The following TEX29 variants were observed in gnomAD, a reference collection of about 807,000 sequenced individuals.
The protein encoded by TEX29 is testis-expressed protein 29.
TEX29 carries 26 observed loss-of-function variants against 18.2 expected under a neutral mutation model. The ratio of observed to expected loss-of-function variants is 1.43; its 90% CI spans 1.04 to 1.98. The LOEUF is 1.98. TEX29 is among the 30% of genes most tolerant of loss of function. TEX29 has a pLI of 0.00. For missense variants in TEX29, 177 were observed against 194.2 expected (o/e 0.91, Z 0.53); for synonymous variants, 83 against 78.5 (o/e 1.06, Z -0.31).
intron 3 of TEX29, among the ~76,000 whole-genome samples, chr13:111,329,771 T>C (rs2093679915): frequency 6.6e-6 from 1 of 152,128 alleles, no homozygotes; most frequent in Non-Finnish European, 1.5e-5. Flanking sequence ...CTACAAGGTC[T>C]GAGGGTCTCG....
chr13:111,324,501 C>T (rs542882747), intron 2 of TEX29, among the ~76,000 whole-genome samples: 3 of 152,312 alleles, frequency 2.0e-5, no homozygotes, highest in Admixed American at 6.5e-5. Context: ...CATCGGGAAA[C>T]GAGGTGGCAG....
chr13:111,329,492 TG>T (rs1344972573), intron 3 of TEX29, among the ~76,000 whole-genome samples: 5 of 151,154 alleles, frequency 3.3e-5, no homozygotes, highest in Non-Finnish European at 7.4e-5. Context: ...CTTCGTTCCC[TG>T]TATCTAGTAG....
Position 111,342,822 on chromosome 13 carries a change from C to A in TEX29, c.306C>A (p.Ser102Arg), listed in dbSNP as rs45474991. 1 of 1,614,046 alleles carries A rather than the reference C, an allele frequency of 6.2e-7. No homozygotes were observed. Among genetic ancestry groups the A allele is most frequent in the South Asian group, 1.1e-5 (1 of 91,072 alleles). Residue 102 changes from serine (S) to arginine (R), a missense_variant, in exon 5 of 6, where the codon AGC becomes AGA. Transcript: ENST00000283547. ...ATGTCGCGCTGCCACAGAAGTCCAG[C>A]GAAAAGGCGGAGTTGGCCTCATCCA... ...PVDVALPQKS[S>R]EKAELASSSS...
chr13:111,337,080 C>T (rs759245893), intron 3 of TEX29, among the ~76,000 whole-genome samples: 4 of 152,162 alleles, frequency 2.6e-5, no homozygotes, highest in Non-Finnish European at 4.4e-5. Flanking sequence ...GCCTCATGAA[C>T]GCTCTTAATT....
Position 111,344,116 on chromosome 13 carries a change from A to C in TEX29, c.449A>C (p.Glu150Ala). 6.2e-7 allele frequency: 1 copy of C among 1,613,246 alleles called. No individual in the cohort carries two copies. The highest frequency in any genetic ancestry group is 8.5e-7 in the Non-Finnish European group (1 of 1,179,346). ...TGTITEAEET[E>A]D ...ACAATAACAGAAGCCGAAGAAACTG[A>C]GGACTGACTGAGACGCATGAAGAAG... Residue 150 changes from glutamate to alanine, a missense_variant, in exon 6 of 6, where the codon GAG becomes GCG. Transcript: ENST00000283547.
rs529861203 is a variant in TEX29 at position 111,326,119 on chromosome 13, C to T, written c.59-2064C>T. The stretch of plus-strand genomic sequence containing the variant: ...TCCAAGCTGGTGGGATCTTGGGTTT[C>T]GTCTGGATCTTCCCAGATGGGGTGG... On this transcript the variant is annotated intron_variant, in intron 2 of 5. Transcript: ENST00000283547. Among the ~76,000 whole-genome samples, 42 of 150,764 alleles carry T rather than the reference C, an allele frequency of 2.8e-4. 1 individual carries two copies. The highest frequency in any genetic ancestry group is 9.8e-4 in the African/African-American group (40 of 40,992).
intron 3 of TEX29, among the ~76,000 whole-genome samples, chr13:111,336,665 T>C (rs1305316024): frequency 6.6e-6 from 1 of 152,260 alleles, no homozygotes; most frequent in Non-Finnish European, 1.5e-5. Flanking sequence ...TTCAAAACTT[T>C]TGTTTAACTA....
upstream of TEX29, among the ~76,000 whole-genome samples, chr13:111,317,101 G>C (rs771329523): frequency 3.9e-5 from 6 of 152,086 alleles, no homozygotes; most frequent in Non-Finnish European, 8.8e-5. Flanking sequence ...AGCCAACCCA[G>C]ATCACTTATT....
chr13:111,329,114 T>G lies in TEX29; in HGVS notation c.169+821T>G, dbSNP rs972236862. 2.0e-5 allele frequency among the ~76,000 whole-genome samples: 3 copies of G among 152,148 alleles called. No homozygotes were observed. The South Asian group carries it at 6.2e-4, about 32-fold the overall frequency. ...TCATCAAGGTCCACGTGAAGCTTCATGTGTTTCCTTGTCCTGTGGAGGCCC... is the reference window on the plus strand; with the variant it reads ...TCATCAAGGTCCACGTGAAGCTTCAGGTGTTTCCTTGTCCTGTGGAGGCCC... On this transcript the variant is annotated intron_variant, in intron 3 of 5. Coordinates refer to ENST00000283547, the MANE Select transcript of TEX29 (RefSeq NM_152324.3).
rs141184323 is a variant in TEX29, at chr13:111,325,323, C to T, written c.59-2860C>T. On this transcript the variant is annotated intron_variant, in intron 2 of 5. Coordinates refer to ENST00000283547, the MANE Select transcript of TEX29 (RefSeq NM_152324.3). ...AGAGAGCCAGGCAGTGAGCCCTGCG[C>T]TCCAGCCGTCCTGGCTGTGGTGTGG... is the stretch of plus-strand genomic sequence containing the variant. Among the ~76,000 whole-genome samples the T allele has an allele frequency of 3.9e-3, 596 of 152,362 alleles. 3 individuals are homozygous for T. Among genetic ancestry groups the T allele is most frequent in the African/African-American group, 0.014 (575 of 41,584 alleles).
upstream of TEX29, chr13:111,316,317 G>C: frequency 2.2e-6 from 1 of 462,924 alleles, no homozygotes; most frequent in Non-Finnish European, 4.3e-6. Flanking sequence ...CCTGAGGAAG[G>C]TGTGGGGCAT....
chr13:111,324,249 G>A (rs573853381), intron 2 of TEX29, among the ~76,000 whole-genome samples: 46 of 152,274 alleles, frequency 3.0e-4, no homozygotes, highest in African/African-American at 8.9e-4. Flanking sequence ...CTTGCTGTCC[G>A]TGGCCACGCT....
At chr13:111,334,346 A>G (rs1473373931) in intron 3 of TEX29, among the ~76,000 whole-genome samples, 2 of 152,222 alleles carry the variant, frequency 1.3e-5, no homozygotes, top group African/African-American at 2.4e-5. Flanking sequence ...TTGGGTAGCT[A>G]CTAGACAAAA....
chr13:111,342,967 C>A, intron 5 of TEX29, 36 bp downstream of exon 5: 2 of 1,605,754 alleles, frequency 1.2e-6, no homozygotes, highest in South Asian at 2.2e-5. Flanking sequence ...AGCCTAAGGT[C>A]AAGGGCGTGG....
intron 3 of TEX29, among the ~76,000 whole-genome samples, chr13:111,329,777 T>A (rs1322106190): frequency 6.6e-6 from 1 of 151,936 alleles, no homozygotes; most frequent in Admixed American, 6.6e-5. Context: ...GGTCTGAGGG[T>A]CTCGTTCCAG....
intron 2 of TEX29, among the ~76,000 whole-genome samples, chr13:111,323,803 G>A (rs1459842712): frequency 1.3e-5 from 2 of 152,130 alleles, no homozygotes; most frequent in African/African-American, 4.8e-5. Flanking sequence ...ACACACACGA[G>A]CCTCTGCACA....
intron 2 of TEX29, 56 bp downstream of exon 2, chr13:111,321,004 G>GA (rs57892141): frequency 1.3e-5 from 7 of 545,392 alleles, no homozygotes; most frequent in African/African-American, 1.1e-4. Flanking sequence ...TTGGGGGGGG[G>GA]CACAGGGAGG....
intron 2 of TEX29, among the ~76,000 whole-genome samples, chr13:111,324,139 C>T (rs1595684920): frequency 6.6e-6 from 1 of 152,316 alleles, no homozygotes; most frequent in Non-Finnish European, 1.5e-5. Flanking sequence ...ACCGCAGGCA[C>T]GTCTCTGGAG....
In TEX29 at chr13:111,321,483, G is replaced by A. The variant is rs367960886; in HGVS notation, c.58+535G>A. Among the ~76,000 whole-genome samples, 45 of 152,304 alleles carry A rather than the reference G, an allele frequency of 3.0e-4. No homozygotes were observed. The South Asian group carries it at 7.3e-3, about 25-fold the overall frequency. On this transcript the variant is annotated intron_variant, in intron 2 of 5. Transcript: ENST00000283547. ...TGACAGTGACTTATGGTCAGGAAAA[G>A]GAAGATTCTGGAAGTTTGCACCTCC...
Sources: gnomAD v4.1 joint callset for allele counts (sites outside exome capture counted in the v4.1 genomes callset) on GRCh38, gnomAD v4.1.1 for gene constraint, MANE v1.5 for transcripts, NCBI Gene and HGNC (gene_info 2026-07-23, HGNC 2026-07-21) for gene names.